SOX6: variants seen among roughly 807,000 people sequenced by gnomAD.
SOX6 encodes the protein transcription factor SOX-6.
A neutral mutation model predicts 97.8 loss-of-function variants in SOX6; 11 were observed. That is an observed-to-expected ratio of 0.11 (90% CI 0.07 to 0.19). SOX6 has a LOEUF of 0.19. Ranked by LOEUF, SOX6 falls within the 10% of genes least tolerant of loss-of-function variation. SOX6 has a pLI of 1.00. For synonymous variants in SOX6, 360 were observed against 371.4 expected (o/e 0.97, Z 0.35); for missense variants, 810 against 1,039.5 (o/e 0.78, Z 3.04).
chr11:16,637,244 G>A (rs886685326), intron 3 of SOX6, among the ~76,000 whole-genome samples: 1 of 152,052 alleles, frequency 6.6e-6, no homozygotes, highest in South Asian at 2.1e-4. Context: ...ATTTTGAGAT[G>A]CAGTCTTGCT....
intron 4 of SOX6, among the ~76,000 whole-genome samples, chr11:16,598,541 G>A (rs1265833818): frequency 1.3e-5 from 2 of 151,814 alleles, no homozygotes; most frequent in Non-Finnish European, 2.9e-5. Flanking sequence ...CTTCAAAAAT[G>A]CTCTTCAGGG....
At chr11:16,001,550 A>T (rs1392846095) in intron 13 of SOX6, among the ~76,000 whole-genome samples, 2 of 152,130 alleles carry the variant, frequency 1.3e-5, no homozygotes, top group Non-Finnish European at 2.9e-5. Flanking sequence ...ACTATTCGGC[A>T]ATCTGAAATA....
chr11:16,238,057 T>C (rs1401453323), intron 3 of SOX6, among the ~76,000 whole-genome samples: 1 of 151,962 alleles, frequency 6.6e-6, no homozygotes. Flanking sequence ...TTAATTCCTC[T>C]TACTTTGAAA....
chr11:16,371,651 A>G (rs559189800), intron 1 of SOX6, among the ~76,000 whole-genome samples: 1 of 152,200 alleles, frequency 6.6e-6, no homozygotes, highest in Non-Finnish European at 1.5e-5. Flanking sequence ...AATAATGAAT[A>G]TGTGTACATA....
chr11:16,612,512 A>G (rs1477507941), intron 3 of SOX6, among the ~76,000 whole-genome samples: 1 of 151,530 alleles, frequency 6.6e-6, no homozygotes, highest in Non-Finnish European at 1.5e-5. Context: ...TCTCAAATGG[A>G]AAGTCAGAGA....
intron 4 of SOX6, among the ~76,000 whole-genome samples, chr11:16,498,169 TC>T (rs1431634602): frequency 3.9e-5 from 6 of 152,188 alleles, no homozygotes; most frequent in African/African-American, 1.4e-4. Flanking sequence ...TATTCAACAT[TC>T]TTGAAGAAAA....
intron 13 of SOX6, among the ~76,000 whole-genome samples, chr11:16,008,870 C>T (rs7947979): frequency 1.3e-5 from 2 of 151,914 alleles, no homozygotes; most frequent in Admixed American, 6.6e-5. Flanking sequence ...AGGGCTTTGT[C>T]GACTCTGCTT....
chr11:16,267,539 G>C (rs1854117237), intron 3 of SOX6, among the ~76,000 whole-genome samples: 1 of 151,554 alleles, frequency 6.6e-6, no homozygotes, highest in South Asian at 2.1e-4. Flanking sequence ...AAGGACCAAA[G>C]ATAACCAGTG....
chr11:16,015,318 G>A (rs1046328466), intron 12 of SOX6: 10 of 485,656 alleles, frequency 2.1e-5, no homozygotes, highest in Middle Eastern at 5.7e-4. Context: ...TCTCTCTGTC[G>A]GATTTGCTCC....
intron 1 of SOX6, among the ~76,000 whole-genome samples, chr11:16,438,125 G>T (rs1859422289): frequency 6.6e-6 from 1 of 152,094 alleles, no homozygotes; most frequent in South Asian, 2.1e-4. Flanking sequence ...GTTTTTGTGT[G>T]TGTGAGTGTG....
At chr11:16,186,710 A>T in intron 5 of SOX6, 73 bp downstream of exon 5, 1 of 1,492,512 alleles carries the variant, frequency 6.7e-7, no homozygotes. Context: ...CAAATAAGCC[A>T]ATCAATTTGA....
chr11:16,726,240 C>G (rs891121066), intron 2 of SOX6, among the ~76,000 whole-genome samples: 2 of 152,160 alleles, frequency 1.3e-5, no homozygotes, highest in African/African-American at 4.8e-5. Context: ...GAAACCCCAT[C>G]TGTACTAAAA....
At chr11:16,496,868 C>A (rs1860607755) in intron 4 of SOX6, among the ~76,000 whole-genome samples, 1 of 152,188 alleles carries the variant, frequency 6.6e-6, no homozygotes, top group South Asian at 2.1e-4. Context: ...GGCCTGCCTG[C>A]CTCTATAGAC....
At chr11:15,984,737 C>T (rs961771084) in intron 15 of SOX6, among the ~76,000 whole-genome samples, 1 of 152,138 alleles carries the variant, frequency 6.6e-6, no homozygotes, top group Non-Finnish European at 1.5e-5. Context: ...GTGGCTTAAG[C>T]TTCTCTCTAC....
intron 1 of SOX6, among the ~76,000 whole-genome samples, chr11:16,395,135 T>G (rs1858312050): frequency 6.6e-6 from 1 of 151,776 alleles, no homozygotes; most frequent in Non-Finnish European, 1.5e-5. Context: ...TTCCTCTTCC[T>G]GATAACAACA....
In SOX6 at chr11:16,377,705, G is replaced by T. The variant is rs376999384; in HGVS notation, c.-4-36453C>A. Reference sequence around the variant, plus strand: ...GGAGAATAACATTTCCATTGATTGTGTTAATATCTATAGCAGAAGAGTCAG... The same window carrying T: ...GGAGAATAACATTTCCATTGATTGTTTTAATATCTATAGCAGAAGAGTCAG... On this transcript the variant is annotated intron_variant, in intron 1 of 15. Transcript: ENST00000396356. 6.6e-5 allele frequency among the ~76,000 whole-genome samples: 10 copies of T among 152,246 alleles called. No individual in the cohort carries two copies. In the East Asian group the frequency reaches 9.6e-4, roughly 15 times the overall value.
At chr11:16,291,750 G>A (rs970081839) in intron 3 of SOX6, among the ~76,000 whole-genome samples, 2 of 152,042 alleles carry the variant, frequency 1.3e-5, no homozygotes, top group Non-Finnish European at 2.9e-5. Flanking sequence ...AAATATCAGC[G>A]AGGAGAATTA....
chr11:16,102,249 G>A (rs1840423), intron 7 of SOX6, among the ~76,000 whole-genome samples: 8,405 of 151,844 alleles, frequency 0.055, 609 homozygotes, highest in East Asian at 0.37. Flanking sequence ...ACCAAGCTGA[G>A]AATCAAATCA....
intron 9 of SOX6, among the ~76,000 whole-genome samples, chr11:16,061,428 G>A (rs1362566180): frequency 6.6e-6 from 1 of 151,634 alleles, no homozygotes; most frequent in Non-Finnish European, 1.5e-5. Context: ...CAATGGTCAT[G>A]GATTAGAAGA....
Sources: allele counts gnomAD v4.1 joint callset (sites outside exome capture counted in the v4.1 genomes callset), GRCh38; gene constraint gnomAD v4.1.1; transcripts MANE v1.5; gene names NCBI Gene and HGNC (gene_info 2026-07-23, HGNC 2026-07-21).